Variants in PCDHGB3 observed in about 807,000 individuals in gnomAD.
PCDHGB3 encodes protocadherin gamma subfamily B, 3, also known as protocadherin gamma-B3.
A neutral mutation model predicts 59.2 loss-of-function variants in PCDHGB3; 40 were observed. That is an observed-to-expected ratio of 0.68 (90% CI 0.52 to 0.88). PCDHGB3 has a LOEUF of 0.88. Among genes scored for constraint, PCDHGB3 ranks in the 40% least tolerant of loss-of-function variants. The pLI is 0.00. For missense variants in PCDHGB3, 1,309 were observed against 1,187.9 expected (o/e 1.10, Z -1.50); for synonymous variants, 581 against 503.6 (o/e 1.15, Z -2.06).
At chr5:141,496,121 C>G (rs1391009290) in intron 2 of PCDHGB3, among the ~76,000 whole-genome samples, 1 of 152,088 alleles carries the variant, frequency 6.6e-6, no homozygotes, top group Non-Finnish European at 1.5e-5. Context: ...TCCTTCCCTG[C>G]CCCTCACACA....
rs1051300319 is a variant in PCDHGB3 at position 141,491,957 on chromosome 5, A to T, written c.2416-2850A>T. ...GACCGACCCCCACCCCTACACTCAA[A>T]AAAGGCCGGGGCCTCCTTCGAGCTT... is the stretch of plus-strand genomic sequence containing the variant. On this transcript the variant is annotated intron_variant, in intron 1 of 3. Coordinates refer to ENST00000576222, the MANE Select transcript of PCDHGB3 (RefSeq NM_018924.5). The surrounding 1 kb of genome is among the most constrained non-coding windows in gnomAD (Gnocchi z 6.9). 3.6e-5 allele frequency: 37 copies of T among 1,020,096 alleles called. No individual in the cohort carries two copies. The highest frequency in any genetic ancestry group is 5.0e-5 in the Non-Finnish European group (37 of 736,248). The allele number at this position is 1,020,096 out of a possible 1,614,324, so 63.2% of individuals were successfully genotyped here.
In PCDHGB3 at chr5:141,422,942, G is replaced by T. The variant is rs199976232; in HGVS notation, c.2415+50133G>T. On this transcript the variant is annotated intron_variant, in intron 1 of 3. Transcript: ENST00000576222. Reference sequence around the variant, plus strand: ...CTGTACCCTGCCCTCCCCACAGACGGCTCCACTGGCGTGGAGCTGGCGCCC... The same window carrying T: ...CTGTACCCTGCCCTCCCCACAGACGTCTCCACTGGCGTGGAGCTGGCGCCC... The T allele has an allele frequency of 3.6e-4, 583 of 1,614,096 alleles. 1 individual carries two copies. Among genetic ancestry groups the T allele is most frequent in the South Asian group, 5.2e-4 (47 of 91,090 alleles).
intron 1 of PCDHGB3, chr5:141,440,448 A>G (rs2098178859): frequency 6.6e-6 from 1 of 152,168 alleles, no homozygotes; most frequent in East Asian, 1.9e-4. Context: ...CGCCATCTCA[A>G]AAAAAATGAA....
At chr5:141,478,338 C>T in intron 1 of PCDHGB3, 2 of 1,613,936 alleles carry the variant, frequency 1.2e-6, no homozygotes, top group South Asian at 1.1e-5. Flanking sequence ...CCAGGGCCCT[C>T]CTTGCACGCG....
rs146574799 is a variant in PCDHGB3, at chr5:141,487,337, G to A, written c.2416-7470G>A. The A allele has an allele frequency of 1.4e-5, 23 of 1,614,054 alleles. No individual in the cohort carries two copies. The highest frequency in any genetic ancestry group is 3.3e-5 in the Admixed American group (2 of 60,002). The stretch of plus-strand genomic sequence containing the variant: ...TAAGTGTCTTCGTGGGGCAGCCTGT[G>A]GAGTCACATGCTTTCCTGCTGGCAC... On this transcript the variant is annotated intron_variant, in intron 1 of 3. Coordinates refer to ENST00000576222, the MANE Select transcript of PCDHGB3 (RefSeq NM_018924.5). The surrounding 1 kb of genome is among the most constrained non-coding windows in gnomAD (Gnocchi z 5.0).
At chr5:141,411,955 A>G (rs1427605209) in intron 1 of PCDHGB3, 2 of 152,244 alleles carry the variant, frequency 1.3e-5, no homozygotes, top group Admixed American at 6.5e-5. Context: ...TTTGAAGAAA[A>G]AAGATAAAAT....
Position 141,372,195 on chromosome 5 carries a change from A to T in PCDHGB3, c.1801A>T (p.Asn601Tyr). The T allele has an allele frequency of 4.3e-6, 7 of 1,613,560 alleles. No individual in the cohort carries two copies. The highest frequency in any genetic ancestry group is 5.9e-6 in the Non-Finnish European group (7 of 1,179,910). The change falls in exon 1 of 4, where the codon AAC becomes TAC. Residue 601 changes from asparagine to tyrosine, a missense_variant. Transcript: ENST00000576222. ...GGCGGTGGACGCAGACTCGGGATACAACGCCTGGCTGTCCTACCACATTGT... is the reference window on the plus strand; with the variant it reads ...GGCGGTGGACGCAGACTCGGGATACTACGCCTGGCTGTCCTACCACATTGT... The part of the protein sequence containing the change: ...VVAVDADSGY[N>Y]AWLSYHIVQA...
chr5:141,475,106 G>T (rs1182368610), intron 1 of PCDHGB3, among the ~76,000 whole-genome samples: 6 of 152,220 alleles, frequency 3.9e-5, no homozygotes, highest in Admixed American at 2.0e-4. Context: ...ATCCTAGGTG[G>T]TAAATAGGCC....
At chr5:141,376,432 G>C (rs1402207776) in intron 1 of PCDHGB3, 6 of 1,614,084 alleles carry the variant, frequency 3.7e-6, no homozygotes, top group African/African-American at 1.3e-5. Flanking sequence ...TCAACCAGGA[G>C]AGCTATGAGA....
chr5:141,374,568 T>C (rs778991888), intron 1 of PCDHGB3: 1 of 1,613,706 alleles, frequency 6.2e-7, no homozygotes, highest in South Asian at 1.1e-5. Flanking sequence ...GACCCTGATG[T>C]GGGAATGAAC....
chr5:141,500,901 G>T (rs984072329), intron 2 of PCDHGB3, among the ~76,000 whole-genome samples: 1 of 144,582 alleles, frequency 6.9e-6, no homozygotes, highest in Non-Finnish European at 1.5e-5. Context: ...AGACAGTCTC[G>T]CTCTGTCTCC....
At chr5:141,409,462 C>A (rs377705841) in intron 1 of PCDHGB3, 64 of 1,613,870 alleles carry the variant, frequency 4.0e-5, no homozygotes, top group Non-Finnish European at 5.3e-5. Flanking sequence ...AATACAATGT[C>A]ACCATCGTAG....
chr5:141,419,350 G>T lies in PCDHGB3; in HGVS notation c.2415+46541G>T, dbSNP rs202038869. 1.1e-4 allele frequency: 173 copies of T among 1,613,730 alleles called. 2 individuals are homozygous for T. The highest frequency in any genetic ancestry group is 2.3e-4 in the Admixed American group (14 of 60,012). ...ACTCTCTCATTGCCAGCGACCTGGA[G>T]TCACGAACGCTGTCGTCCTACGTGT... On this transcript the variant is annotated intron_variant, in intron 1 of 3. Transcript: ENST00000576222.
At chr5:141,384,310 A>T in intron 1 of PCDHGB3, 2 of 1,613,676 alleles carry the variant, frequency 1.2e-6, no homozygotes, top group East Asian at 4.5e-5. Flanking sequence ...AGGGGCCTCC[A>T]TTTTCTTAGT....
chr5:141,470,297 T>A (rs2099227289), intron 1 of PCDHGB3, among the ~76,000 whole-genome samples: 2 of 152,348 alleles, frequency 1.3e-5, no homozygotes, highest in Admixed American at 1.3e-4. Flanking sequence ...TAACTGTTTT[T>A]ATTCCATTTT....
In PCDHGB3 at chr5:141,511,223, A is replaced by G. The variant is rs1193308928; in HGVS notation, c.*50A>G. On this transcript the variant is annotated 3_prime_UTR_variant, in exon 4 of 4. Transcript: ENST00000576222. ...AGGGCGGCCTCTCCCCAACCAGCCC[A>G]GCTTCTCCTTACCTGCACCCAGGCC... 1 of 1,604,390 alleles carries G rather than the reference A, an allele frequency of 6.2e-7. No individual in the cohort carries two copies.
At position 141,491,539 on chromosome 5, in the gene PCDHGB3, A is replaced by G; in HGVS notation, c.2416-3268A>G. ...GTACATGGAGGTGACGCTGCGGCCC[A>G]CAGACTCGCAGAGCCACTGCTACAG... On this transcript the variant is annotated intron_variant, in intron 1 of 3. Coordinates refer to ENST00000576222, the MANE Select transcript of PCDHGB3 (RefSeq NM_018924.5). This position sits in a 1 kb window ranked among gnomAD's most constrained non-coding sequence, Gnocchi z 6.9. The G allele has an allele frequency of 6.2e-7, 1 of 1,613,968 alleles. No homozygotes were observed. The highest frequency in any genetic ancestry group is 1.1e-5 in the South Asian group (1 of 91,074).
chr5:141,384,405 C>T (rs1780049839), intron 1 of PCDHGB3: 2 of 1,613,882 alleles, frequency 1.2e-6, no homozygotes, highest in Non-Finnish European at 8.5e-7. Flanking sequence ...CTCCAGTGTC[C>T]TCCTATGTCT....
intron 1 of PCDHGB3, chr5:141,419,581 C>T: frequency 6.2e-7 from 1 of 1,611,888 alleles, no homozygotes; most frequent in South Asian, 1.1e-5. Context: ...GCTCCGCGCT[C>T]TTCGACACAG....
Sources: allele counts gnomAD v4.1 joint callset (sites outside exome capture counted in the v4.1 genomes callset), GRCh38; gene constraint gnomAD v4.1.1; non-coding constraint Gnocchi (gnomAD v3.1); transcripts MANE v1.5; gene names NCBI Gene and HGNC (gene_info 2026-07-23, HGNC 2026-07-21).